The following MIER1 variants were observed in gnomAD, a reference collection of about 807,000 sequenced individuals.
MIER1 encodes the protein mesoderm induction early response protein 1.
MIER1 carries 40 observed loss-of-function variants against 75.7 expected under a neutral mutation model. The observed-to-expected ratio is 0.53, with a 90% CI of 0.41 to 0.69. The LOEUF (loss-of-function observed/expected upper bound fraction) is 0.69. MIER1 is among the 30% of genes least tolerant of loss of function. The probability of loss-of-function intolerance (pLI) is 0.00; values close to 1 mark genes in which losing one functional copy is unlikely to be tolerated. For missense variants in MIER1, 574 were observed against 680.2 expected (o/e 0.84, Z 1.74); for synonymous variants, 213 against 223.4 (o/e 0.95, Z 0.42).
At chr1:66,930,620 G>T (rs922027471) in intron 2 of MIER1, among the ~76,000 whole-genome samples, 3 of 151,974 alleles carry the variant, frequency 2.0e-5, no homozygotes, top group Non-Finnish European at 4.4e-5. Flanking sequence ...TGGACTTCGG[G>T]GGCAGTTTGA....
Position 66,985,602 on chromosome 1 carries a change from C to G in MIER1, c.*702C>G. ...TGAAAGATTTTTACAGTACATATGT[C>G]TTGACTGAGCTGTCCTTTCTTAATA... On this transcript the variant is annotated 3_prime_UTR_variant, in exon 14 of 14. Transcript: ENST00000401041. 1 of 985,100 alleles carries G rather than the reference C, an allele frequency of 1.0e-6. No individual in the cohort carries two copies. The highest frequency in any genetic ancestry group is 1.2e-6 in the Non-Finnish European group (1 of 829,664). The allele number at this position is 985,100 out of a possible 1,614,324, so 61.0% of individuals were successfully genotyped here.
chr1:66,928,897 G>T, intron 2 of MIER1: 2 of 1,603,192 alleles, frequency 1.2e-6, no homozygotes, highest in South Asian at 2.2e-5. Context: ...TAGAAAATGT[G>T]CATCAGATGT....
intron 3 of MIER1, chr1:66,940,268 T>TTA: frequency 6.2e-6 from 2 of 323,028 alleles, no homozygotes; most frequent in African/African-American, 2.6e-5. Context: ...TTTTTGGGTT[T>TTA]TCTTTTTTTT....
chr1:66,979,661 A>G (rs1665501209), intron 12 of MIER1, among the ~76,000 whole-genome samples: 1 of 152,216 alleles, frequency 6.6e-6, no homozygotes, highest in African/African-American at 2.4e-5. Flanking sequence ...ATTAATCTTT[A>G]GGAAACAATG....
intron 2 of MIER1, among the ~76,000 whole-genome samples, chr1:66,931,620 AT>A (rs1450516228): frequency 1.3e-4 from 20 of 151,918 alleles, no homozygotes; most frequent in African/African-American, 4.8e-4. Context: ...CTAAATTTAG[AT>A]CTTAGATTTA....
In MIER1 at chr1:66,928,930, CTG is replaced by C. The variant is rs1186700707; in HGVS notation, c.168+2690_168+2691del. On this transcript the variant is annotated intron_variant, in intron 2 of 13. Coordinates refer to ENST00000401041, the MANE Select transcript of MIER1 (RefSeq NM_001077700.3). ...TGTTTATGTTTAATTGGTTTACAGA[CTG>C]TCTGTGGACTCTTTTCCTGTCAAAT... 1.9e-6 allele frequency: 3 copies of C among 1,609,142 alleles called. No homozygotes were observed. In the African/African-American group the frequency reaches 4.0e-5, roughly 21 times the overall value.
rs755604402 is a variant in MIER1 at position 66,972,890 on chromosome 1, T to C, written c.1007-7T>C. On this transcript the variant is annotated splice_region_variant and splice_polypyrimidine_tract_variant and intron_variant, in intron 10 of 13. Coordinates refer to ENST00000401041, the MANE Select transcript of MIER1 (RefSeq NM_001077700.3). ...TGCTTAACAGTTTGTTCCTCCCATC[T>C]TGTCAGAGGAATTATCTGTTTGGAC... 4 of 1,499,586 alleles carry C rather than the reference T, an allele frequency of 2.7e-6. No homozygotes were observed. The highest frequency in any genetic ancestry group is 3.7e-6 in the Non-Finnish European group (4 of 1,080,124). The allele number at this position is 1,499,586 out of a possible 1,614,324, so 92.9% of individuals were successfully genotyped here. A position where few individuals can be genotyped will look rare whatever the true frequency, so the allele number is the denominator to read the frequency against.
At chr1:66,943,904 T>C (rs910336046) in intron 3 of MIER1, among the ~76,000 whole-genome samples, 2 of 152,188 alleles carry the variant, frequency 1.3e-5, no homozygotes, top group Non-Finnish European at 2.9e-5. Context: ...AGGATTAGTA[T>C]ACCCAGGATT....
In MIER1 at chr1:66,985,042, C is replaced by T. The variant is rs1439267143; in HGVS notation, c.*142C>T. 71 of 1,377,456 alleles carry T rather than the reference C, an allele frequency of 5.2e-5. No homozygotes were observed. In the South Asian group the frequency reaches 8.4e-4, roughly 16 times the overall value. The allele number at this position is 1,377,456 out of a possible 1,614,324, so 85.3% of individuals were successfully genotyped here. A position where few individuals can be genotyped will look rare whatever the true frequency, so the allele number is the denominator to read the frequency against. ...GTCTTAACTTTAGGAAATGAGGTTTCATAATTCTGCCTTTTGCAGATTTTT... is the reference window on the plus strand; with the variant it reads ...GTCTTAACTTTAGGAAATGAGGTTTTATAATTCTGCCTTTTGCAGATTTTT... On this transcript the variant is annotated 3_prime_UTR_variant, in exon 14 of 14. Transcript: ENST00000401041.
chr1:66,932,149 G>T (rs549844066), intron 2 of MIER1, among the ~76,000 whole-genome samples: 26 of 152,034 alleles, frequency 1.7e-4, no homozygotes, highest in Non-Finnish European at 3.5e-4. Context: ...AATTAAAGAT[G>T]GTTGCGTTAT....
At chr1:66,975,792 T>C (rs1664591009) in intron 11 of MIER1, among the ~76,000 whole-genome samples, 2 of 152,196 alleles carry the variant, frequency 1.3e-5, no homozygotes, top group South Asian at 4.1e-4. Context: ...ATGATACTTT[T>C]AACTCACTGT....
At chr1:66,978,618 T>C (rs1558115014) in intron 12 of MIER1, among the ~76,000 whole-genome samples, 1 of 152,242 alleles carries the variant, frequency 6.6e-6, no homozygotes, top group Non-Finnish European at 1.5e-5. Flanking sequence ...CAAGGTATTA[T>C]ATAGGGAAAA....
At chr1:66,949,581 A>G (rs1222805419) in intron 4 of MIER1, among the ~76,000 whole-genome samples, 1 of 152,216 alleles carries the variant, frequency 6.6e-6, no homozygotes, top group East Asian at 1.9e-4. Flanking sequence ...TTAAAGCTTT[A>G]AGTAGCATAG....
Position 66,981,921 on chromosome 1 carries a change from A to G in MIER1, c.1369+3A>G, listed in dbSNP as rs1665964806. 1.9e-6 allele frequency: 3 copies of G among 1,612,926 alleles called. No individual in the cohort carries two copies. The highest frequency in any genetic ancestry group is 1.3e-5 in the African/African-American group (1 of 74,902). ...TGTAAGCACTGCTAATCAAAATGGT[A>G]AGCAACCAGAGAAACATTTCTCTTT... On this transcript the variant is annotated splice_donor_region_variant and intron_variant, in intron 13 of 13. Coordinates refer to ENST00000401041, the MANE Select transcript of MIER1 (RefSeq NM_001077700.3).
intron 12 of MIER1, among the ~76,000 whole-genome samples, chr1:66,981,467 C>T (rs898052817): frequency 2.0e-5 from 3 of 152,156 alleles, no homozygotes; most frequent in African/African-American, 7.2e-5. Flanking sequence ...ACCCCTATCA[C>T]TTCAGTTAAG....
At chr1:66,941,372 TC>T (rs1403360632) in intron 3 of MIER1, among the ~76,000 whole-genome samples, 1 of 152,196 alleles carries the variant, frequency 6.6e-6, no homozygotes, top group African/African-American at 2.4e-5. Context: ...AGTAATCTGG[TC>T]TTAGATAAGT....
rs1405229511 is a variant in MIER1 at position 66,986,670 on chromosome 1, T to A, written c.*1770T>A. On this transcript the variant is annotated 3_prime_UTR_variant, in exon 14 of 14. Coordinates refer to ENST00000401041, the MANE Select transcript of MIER1 (RefSeq NM_001077700.3). ...AGCCACTTTGCAACACTTGACTTCA[T>A]CTTAATGTACATTCACTGTTGTTAC... 3 of 512,134 alleles carry A rather than the reference T, an allele frequency of 5.9e-6. No homozygotes were observed. Among genetic ancestry groups the A allele is most frequent in the Non-Finnish European group, 6.9e-6 (2 of 288,090 alleles). The allele number at this position is 512,134 out of a possible 1,614,324, so 31.7% of individuals were successfully genotyped here. A position where few individuals can be genotyped will look rare whatever the true frequency, so the allele number is the denominator to read the frequency against.
chr1:66,986,620 A>G lies in MIER1; in HGVS notation c.*1720A>G. 1.5e-6 allele frequency: 1 copy of G among 650,176 alleles called. No homozygotes were observed. The highest frequency in any genetic ancestry group is 2.6e-6 in the Non-Finnish European group (1 of 378,138). 40.3% of individuals were successfully genotyped at this position (650,176 alleles called of 1,614,324 possible). ...CTGCTTCCCTTCACCAATGTGAACA[A>G]CTTTTTTTCCCAAACAGTGTTAAAA... On this transcript the variant is annotated 3_prime_UTR_variant, in exon 14 of 14. Transcript: ENST00000401041.
rs1454657535 is a variant in MIER1, at chr1:66,987,668, T to A, written c.*2768T>A. The A allele has an allele frequency of 1.5e-5, 2 of 132,716 alleles. No homozygotes were observed. Among genetic ancestry groups the A allele is most frequent in the Non-Finnish European group, 3.2e-5 (2 of 62,790 alleles). The allele number at this position is 132,716 out of a possible 1,614,324, so 8.2% of individuals were successfully genotyped here. A position where few individuals can be genotyped will look rare whatever the true frequency, so the allele number is the denominator to read the frequency against. ...TATTAAAATATTTTTTTAAACATAT[T>A]TGCCTACATAATACTGTGTGAATAT... is the stretch of plus-strand genomic sequence containing the variant. On this transcript the variant is annotated 3_prime_UTR_variant, in exon 14 of 14. Coordinates refer to ENST00000401041, the MANE Select transcript of MIER1 (RefSeq NM_001077700.3).
Sources: allele counts gnomAD v4.1 joint callset (sites outside exome capture counted in the v4.1 genomes callset), GRCh38; gene constraint gnomAD v4.1.1; transcripts MANE v1.5; gene names NCBI Gene and HGNC (gene_info 2026-07-23, HGNC 2026-07-21).